The following MAP4 variants were observed in gnomAD, a reference collection of about 807,000 sequenced individuals.
MAP4 encodes the protein microtubule-associated protein 4.
In MAP4, 76 loss-of-function variants were observed where a neutral mutation model predicts 170.2. That is an observed-to-expected ratio of 0.45 (90% confidence interval 0.37 to 0.54). The LOEUF (loss-of-function observed/expected upper bound fraction) is 0.54, where lower values mean the gene tolerates loss of function less well. MAP4 is among the 20% of genes least tolerant of loss of function. MAP4 has a pLI of 0.00. For missense variants in MAP4, 2,506 were observed against 2,748.0 expected (o/e 0.91, Z 1.97); for synonymous variants, 909 against 994.5 (o/e 0.91, Z 1.62).
chr3:48,000,438 T>C (rs1398618000), intron 1 of MAP4, among the ~76,000 whole-genome samples: 2 of 152,128 alleles, frequency 1.3e-5, no homozygotes, highest in Non-Finnish European at 2.9e-5. Flanking sequence ...AGTTGCACAA[T>C]GTAATGGCCA....
intron 1 of MAP4, among the ~76,000 whole-genome samples, chr3:48,060,078 T>A (rs2100134400): frequency 6.6e-6 from 1 of 152,164 alleles, no homozygotes; most frequent in African/African-American, 2.4e-5. Context: ...GGTTCAGGAA[T>A]TGTTAGTCTG....
intron 3 of MAP4, among the ~76,000 whole-genome samples, chr3:47,956,847 A>C (rs1379986017): frequency 6.6e-6 from 1 of 152,230 alleles, no homozygotes; most frequent in East Asian, 1.9e-4. Context: ...ACTCAACAAC[A>C]TGATCTTCCC....
chr3:47,862,334 G>A (rs1310942580), intron 17 of MAP4, among the ~76,000 whole-genome samples: 13 of 118,210 alleles, frequency 1.1e-4, no homozygotes, highest in Admixed American at 2.1e-4. Flanking sequence ...GGGACAGAGC[G>A]AGACTGTGTC....
intron 6 of MAP4, among the ~76,000 whole-genome samples, chr3:47,917,955 C>G (rs1040991510): frequency 1.3e-5 from 2 of 152,080 alleles, no homozygotes; most frequent in Non-Finnish European, 1.5e-5. Context: ...CTCAGCCTCC[C>G]TAGTAGCTGG....
intron 1 of MAP4, among the ~76,000 whole-genome samples, chr3:48,045,984 C>CTTTTTTTT (rs59624917): frequency 7.6e-6 from 1 of 130,848 alleles, no homozygotes; most frequent in African/African-American, 2.8e-5. Context: ...TGCATCACTT[C>CTTTTTTTT]TTTTTTTTTT....
At chr3:47,981,391 AAAATAAATAAAT>A (rs568109418) in intron 2 of MAP4, among the ~76,000 whole-genome samples, 2 of 151,816 alleles carry the variant, frequency 1.3e-5, no homozygotes, top group Admixed American at 6.6e-5. Flanking sequence ...CCCATCTCTA[AAAATAAATAAAT>A]AAATAAATAA....
chr3:47,902,525 T>C (rs549822921), intron 10 of MAP4, among the ~76,000 whole-genome samples: 21 of 151,664 alleles, frequency 1.4e-4, no homozygotes, highest in African/African-American at 4.8e-4. Context: ...AATACAAAAA[T>C]TAGCCGGGCG....
chr3:47,869,118 G>A, intron 16 of MAP4, 96 bp downstream of exon 16: 1 of 942,404 alleles, frequency 1.1e-6, no homozygotes. Flanking sequence ...AACTAGTTAG[G>A]GAAAGGGAAA....
chr3:48,014,190 G>C (rs2100106674), intron 1 of MAP4, among the ~76,000 whole-genome samples: 1 of 152,086 alleles, frequency 6.6e-6, no homozygotes, highest in African/African-American at 2.4e-5. Flanking sequence ...ATATTTTACA[G>C]GTCTATACAG....
At chr3:47,934,585 C>T (rs2100051670) in intron 3 of MAP4, among the ~76,000 whole-genome samples, 1 of 152,184 alleles carries the variant, frequency 6.6e-6, no homozygotes, top group African/African-American at 2.4e-5. Context: ...TACAGGCCAC[C>T]GTGCCTGGCC....
Position 47,991,225 on chromosome 3 carries a change from T to C in MAP4, c.223+7413A>G, listed in dbSNP as rs990814486. 2.0e-5 allele frequency among the ~76,000 whole-genome samples: 3 copies of C among 152,130 alleles called. No individual in the cohort carries two copies. The East Asian group carries it at 5.8e-4, about 29-fold the overall frequency. ...TTTTATAAGTTGAAGACAATTAGGG[T>C]GGACATGTAAGAATTAAAGGAAATA... On this transcript the variant is annotated intron_variant, in intron 2 of 20. Transcript: ENST00000683076.
intron 1 of MAP4, among the ~76,000 whole-genome samples, chr3:48,041,452 AT>A (rs753340549): frequency 6.6e-6 from 1 of 151,870 alleles, no homozygotes; most frequent in African/African-American, 2.4e-5. Context: ...AAAAAAAAAA[AT>A]TCCTGAAAGA....
chr3:47,988,607 G>C (rs1342592907), intron 2 of MAP4, among the ~76,000 whole-genome samples: 1 of 152,174 alleles, frequency 6.6e-6, no homozygotes, highest in Non-Finnish European at 1.5e-5. Context: ...ACAAACTCAT[G>C]TGAATTAGTG....
chr3:47,918,708 T>TA lies in MAP4; in HGVS notation c.652+10dup. 3 of 1,602,508 alleles carry TA rather than the reference T, an allele frequency of 1.9e-6. No individual in the cohort carries two copies. Among genetic ancestry groups the TA allele is most frequent in the Non-Finnish European group, 2.6e-6 (3 of 1,170,062 alleles). On this transcript the variant is annotated intron_variant, in intron 6 of 20. Transcript: ENST00000683076. ...ACCATTAACTGATAAAGGGAGTCTC[T>TA]AATAGTTTACCTGCCGTTGGCTGAG... is the stretch of plus-strand genomic sequence containing the variant.
intron 15 of MAP4, among the ~76,000 whole-genome samples, chr3:47,869,594 C>A (rs2087313542): frequency 6.6e-6 from 1 of 152,104 alleles, no homozygotes; most frequent in South Asian, 2.1e-4. Context: ...AGAAAAGGCA[C>A]AAAGGAAGGC....
chr3:48,027,751 T>C (rs966276720), intron 1 of MAP4, among the ~76,000 whole-genome samples: 1 of 151,904 alleles, frequency 6.6e-6, no homozygotes, highest in Non-Finnish European at 1.5e-5. Flanking sequence ...AATGGGAGGA[T>C]CGTTTGAGCC....
At chr3:47,881,818 C>T (rs2152719675) in intron 10 of MAP4, among the ~76,000 whole-genome samples, 1 of 152,036 alleles carries the variant, frequency 6.6e-6, no homozygotes, top group Admixed American at 6.6e-5. Flanking sequence ...GTTGCTCAGG[C>T]TGGTCTCGAA....
At chr3:48,055,217 CGTCTCCGTCTCCGTCTCCGTCTCCCCATG>C (rs2100130291) in intron 1 of MAP4, among the ~76,000 whole-genome samples, 1 of 150,236 alleles carries the variant, frequency 6.7e-6, no homozygotes, top group Non-Finnish European at 1.5e-5. Flanking sequence ...TCTCCGTCTC[CGTCTCCGTCTCCGTCTCCGTCTCCCCATG>C]GTCTCCCTCT....
At chr3:47,942,752 C>T (rs1016725037) in intron 3 of MAP4, among the ~76,000 whole-genome samples, 1 of 152,066 alleles carries the variant, frequency 6.6e-6, no homozygotes, top group Non-Finnish European at 1.5e-5. Context: ...GTGGTAAAAT[C>T]GTATTGATTG....
Sources: allele counts gnomAD v4.1 joint callset (sites outside exome capture counted in the v4.1 genomes callset), GRCh38; gene constraint gnomAD v4.1.1; transcripts MANE v1.5; gene names NCBI Gene and HGNC (gene_info 2026-07-23, HGNC 2026-07-21).